LHPP: variants seen among roughly 807,000 people sequenced by gnomAD.
LHPP encodes hLHPP.
A neutral mutation model predicts 30.3 loss-of-function variants in LHPP; 24 were observed. The ratio of observed to expected loss-of-function variants is 0.79; its 90% CI spans 0.57 to 1.11. The LOEUF is 1.11. Among genes scored for constraint, LHPP ranks in the 50% most tolerant of loss-of-function variants. The pLI, the probability that LHPP is intolerant of heterozygous loss-of-function variation, is 0.00. For missense variants in LHPP, 356 were observed against 367.2 expected, an observed-to-expected ratio of 0.97 and a Z score of 0.25; for synonymous variants, 150 against 157.1, an observed-to-expected ratio of 0.95 and a Z score of 0.34.
chr10:124,559,637 G>A (rs531263206), intron 6 of LHPP, among the ~76,000 whole-genome samples: 14 of 152,390 alleles, frequency 9.2e-5, no homozygotes, highest in African/African-American at 3.4e-4. Context: ...GCCCGAGGCT[G>A]GAAGCCGTCT....
At chr10:124,506,901 G>C (rs192136221) in intron 5 of LHPP, among the ~76,000 whole-genome samples, 5 of 32,332 alleles carry the variant, frequency 1.5e-4, no homozygotes, top group Admixed American at 3.0e-4. Flanking sequence ...GGGGGGTAGG[G>C]AGGATTTCAG....
At chr10:124,462,843 A>AC (rs1952443651) in intron 1 of LHPP, among the ~76,000 whole-genome samples, 1 of 151,834 alleles carries the variant, frequency 6.6e-6, no homozygotes, top group Non-Finnish European at 1.5e-5. Context: ...GATTACAGGC[A>AC]CCCGCCATCA....
intron 3 of LHPP, among the ~76,000 whole-genome samples, chr10:124,494,982 C>T (rs1458009888): frequency 6.6e-6 from 1 of 152,150 alleles, no homozygotes; most frequent in Admixed American, 6.5e-5. Flanking sequence ...GACCCGGTGT[C>T]CCCTCACTGT....
At chr10:124,463,760 G>C (rs2133803598) in intron 1 of LHPP, among the ~76,000 whole-genome samples, 1 of 151,120 alleles carries the variant, frequency 6.6e-6, no homozygotes, top group Middle Eastern at 3.5e-3. Context: ...CTCCTGCCTT[G>C]GTCTCCCAAA....
intron 6 of LHPP, among the ~76,000 whole-genome samples, chr10:124,586,950 T>C (rs1381159061): frequency 6.6e-6 from 1 of 152,036 alleles, no homozygotes; most frequent in South Asian, 2.1e-4. Flanking sequence ...TGAGATGAAC[T>C]TGGGGGATTT....
chr10:124,514,954 A>G (rs7087911), intron 5 of LHPP, among the ~76,000 whole-genome samples: 3,362 of 152,186 alleles, frequency 0.022, 107 homozygotes, highest in African/African-American at 0.075. Context: ...GGCGTGCGCC[A>G]CCACATCTGG....
chr10:124,489,791 GT>G (rs1953465315), intron 3 of LHPP: 1 of 189,172 alleles, frequency 5.3e-6, no homozygotes, highest in South Asian at 8.6e-5. Context: ...CTGCTTATAA[GT>G]TTATTCAATG....
intron 6 of LHPP, among the ~76,000 whole-genome samples, chr10:124,580,472 T>C (rs917705698): frequency 6.6e-6 from 1 of 152,220 alleles, no homozygotes; most frequent in African/African-American, 2.4e-5. Flanking sequence ...GATTTTATTT[T>C]CTATGTGGAT....
intron 6 of LHPP, among the ~76,000 whole-genome samples, chr10:124,557,889 A>T (rs781529708): frequency 1.5e-4 from 23 of 152,054 alleles, no homozygotes; most frequent in Non-Finnish European, 2.5e-4. Context: ...GCCCGTGGAC[A>T]TCTAGTGAGC....
chr10:124,570,015 C>T (rs1476168613), intron 6 of LHPP, among the ~76,000 whole-genome samples: 1 of 151,998 alleles, frequency 6.6e-6, no homozygotes, highest in Admixed American at 6.5e-5. Context: ...GCTCACCCGG[C>T]CACTTCCTCT....
chr10:124,545,949 A>G (rs1178878543), intron 6 of LHPP: 1 of 152,158 alleles, frequency 6.6e-6, no homozygotes, highest in Non-Finnish European at 1.5e-5. Flanking sequence ...GAGGGGTGGT[A>G]TTGACCAGGC....
At chr10:124,552,810 G>A (rs1042480547) in intron 6 of LHPP, among the ~76,000 whole-genome samples, 7 of 152,208 alleles carry the variant, frequency 4.6e-5, no homozygotes, top group East Asian at 3.8e-4. Flanking sequence ...CAATCAGGAC[G>A]ATCCCTTTAC....
At chr10:124,470,386 C>T (rs932582797) in intron 1 of LHPP, among the ~76,000 whole-genome samples, 4 of 151,666 alleles carry the variant, frequency 2.6e-5, no homozygotes, top group South Asian at 2.1e-4. Flanking sequence ...AGGACCGCCC[C>T]GATCGATCGG....
intron 6 of LHPP, among the ~76,000 whole-genome samples, chr10:124,603,642 G>T (rs940295609): frequency 6.6e-6 from 1 of 152,218 alleles, no homozygotes; most frequent in Admixed American, 6.5e-5. Context: ...CAAGGGGAGG[G>T]CGGGTCTCCA....
intron 6 of LHPP, among the ~76,000 whole-genome samples, chr10:124,544,302 C>T (rs1468345084): frequency 2.6e-5 from 4 of 152,234 alleles, no homozygotes; most frequent in South Asian, 4.1e-4. Context: ...CTCTCTGGAA[C>T]CAGGGGTGGG....
At chr10:124,607,528 C>G (rs186228204) in intron 6 of LHPP, among the ~76,000 whole-genome samples, 1 of 152,226 alleles carries the variant, frequency 6.6e-6, no homozygotes, top group Non-Finnish European at 1.5e-5. Context: ...CGGCTAGGTA[C>G]ACGTGCGGAG....
chr10:124,489,092 C>T (rs978242305), intron 3 of LHPP, among the ~76,000 whole-genome samples: 2 of 152,310 alleles, frequency 1.3e-5, no homozygotes, highest in East Asian at 3.9e-4. Flanking sequence ...TTAGCACATG[C>T]CTTGCCATCT....
At chr10:124,594,064 G>C (rs530759779) in intron 6 of LHPP, among the ~76,000 whole-genome samples, 23 of 152,066 alleles carry the variant, frequency 1.5e-4, no homozygotes, top group Non-Finnish European at 3.1e-4. Context: ...GGCCGGACGT[G>C]GGGGGCTCCC....
chr10:124,533,615 G>A (rs1282796088), intron 6 of LHPP, among the ~76,000 whole-genome samples: 1 of 152,224 alleles, frequency 6.6e-6, no homozygotes, highest in African/African-American at 2.4e-5. Flanking sequence ...AGGAGGAGAT[G>A]GCTCTTCCCT....
Sources: gnomAD v4.1 joint callset for allele counts (sites outside exome capture counted in the v4.1 genomes callset) on GRCh38, gnomAD v4.1.1 for gene constraint, MANE v1.5 for transcripts, NCBI Gene and HGNC (gene_info 2026-07-23, HGNC 2026-07-21) for gene names.